Variants in ROBO1 observed in about 807,000 individuals in gnomAD.
The protein encoded by ROBO1 is roundabout guidance receptor 1, also known as roundabout homolog 1.
Under a neutral mutation model 195.9 loss-of-function variants are expected in ROBO1, and 149 were observed. The ratio of observed to expected loss-of-function variants is 0.76; its 90% CI spans 0.67 to 0.87. The LOEUF (loss-of-function observed/expected upper bound fraction) is 0.87. Ranked by LOEUF, ROBO1 falls within the 40% of genes least tolerant of loss-of-function variation. The pLI, the probability that ROBO1 is intolerant of heterozygous loss-of-function variation, is 0.00. For synonymous variants in ROBO1, 816 were observed against 733.2 expected (o/e 1.11, Z -1.82); for missense variants, 1,933 against 2,068.3 (o/e 0.93, Z 1.27).
chr3:79,168,541 C>G (rs1206554760), intron 2 of ROBO1, among the ~76,000 whole-genome samples: 1 of 152,120 alleles, frequency 6.6e-6, no homozygotes, highest in Non-Finnish European at 1.5e-5. Flanking sequence ...TGTTTCCAAA[C>G]TCTCCTAGTA....
At chr3:79,331,183 A>G (rs561169536) in intron 2 of ROBO1, among the ~76,000 whole-genome samples, 1 of 152,376 alleles carries the variant, frequency 6.6e-6, no homozygotes, top group South Asian at 2.1e-4. Flanking sequence ...ATGCTTCAGC[A>G]TAAATAAGTT....
chr3:79,519,502 G>A (rs951542382), intron 2 of ROBO1, among the ~76,000 whole-genome samples: 26 of 151,356 alleles, frequency 1.7e-4, no homozygotes, highest in African/African-American at 5.8e-4. Flanking sequence ...GGTGGCGGGC[G>A]CCTGTAGTCT....
intron 3 of ROBO1, among the ~76,000 whole-genome samples, chr3:79,109,741 G>T (rs974558329): frequency 3.3e-5 from 5 of 152,010 alleles, no homozygotes; most frequent in African/African-American, 1.2e-4. Context: ...CTACTGAGAC[G>T]TCAATCTTTA....
At chr3:79,322,448 C>A (rs2034022449) in intron 2 of ROBO1, among the ~76,000 whole-genome samples, 1 of 152,072 alleles carries the variant, frequency 6.6e-6, no homozygotes, top group African/African-American at 2.4e-5. Context: ...ATGAAAAGAT[C>A]TTGAAAAGAG....
intron 21 of ROBO1, among the ~76,000 whole-genome samples, chr3:78,641,413 G>C (rs114093312): frequency 5.3e-5 from 8 of 152,094 alleles, no homozygotes; most frequent in Non-Finnish European, 1.0e-4. Flanking sequence ...AGAAAATATC[G>C]GAAGTGTAAG....
intron 3 of ROBO1, among the ~76,000 whole-genome samples, chr3:79,004,983 A>G (rs1227220832): frequency 2.0e-5 from 3 of 152,220 alleles, no homozygotes; most frequent in Non-Finnish European, 4.4e-5. Flanking sequence ...TTCTCACTAC[A>G]TTCTTCTAAA....
chr3:79,537,113 A>ATT (rs34450722), intron 2 of ROBO1, among the ~76,000 whole-genome samples: 2,065 of 145,828 alleles, frequency 0.014, 40 homozygotes, highest in African/African-American at 0.041. Context: ...TCCTTTTTTT[A>ATT]TTTTTTTTTT....
chr3:79,212,543 T>C (rs980952234), intron 2 of ROBO1, among the ~76,000 whole-genome samples: 43 of 152,100 alleles, frequency 2.8e-4, no homozygotes, highest in African/African-American at 1.0e-3. Flanking sequence ...GATCCTAGGC[T>C]GGGCGTGGTG....
At chr3:78,671,079 T>C (rs1708037772) in intron 10 of ROBO1, among the ~76,000 whole-genome samples, 1 of 152,162 alleles carries the variant, frequency 6.6e-6, no homozygotes, top group South Asian at 2.1e-4. Context: ...ATAATAGTTA[T>C]AACATACTAC....
intron 2 of ROBO1, among the ~76,000 whole-genome samples, chr3:79,481,344 G>A (rs1938846689): frequency 1.3e-5 from 2 of 151,914 alleles, no homozygotes; most frequent in African/African-American, 4.8e-5. Context: ...GTGATTTCTT[G>A]CACCAGCTAA....
At chr3:79,764,362 G>C (rs1332456428) in intron 1 of ROBO1, among the ~76,000 whole-genome samples, 2 of 152,172 alleles carry the variant, frequency 1.3e-5, no homozygotes, top group Non-Finnish European at 2.9e-5. Flanking sequence ...ATGTGACCAG[G>C]TCATAATCTA....
chr3:78,697,468 T>TACCGGGACCAGCCAATTTTTATA (rs2081326265), intron 8 of ROBO1, among the ~76,000 whole-genome samples: 1 of 152,160 alleles, frequency 6.6e-6, no homozygotes, highest in Non-Finnish European at 1.5e-5. Context: ...GTCTAATAAG[T>TACCGGGACCAGCCAATTTTTATA]ACCGGGACCA....
intron 4 of ROBO1, among the ~76,000 whole-genome samples, chr3:78,926,906 T>C (rs924343946): frequency 4.6e-5 from 7 of 152,154 alleles, no homozygotes; most frequent in African/African-American, 1.7e-4. Flanking sequence ...TCTGGTTAAA[T>C]GTCCTAACTT....
chr3:78,911,762 A>G lies in ROBO1; in HGVS notation c.499+26839T>C, dbSNP rs184458738. Among the ~76,000 whole-genome samples the G allele has an allele frequency of 7.9e-5, 12 of 152,170 alleles. No individual in the cohort carries two copies. In the East Asian group the frequency reaches 2.3e-3, roughly 29 times the overall value. On this transcript the variant is annotated intron_variant, in intron 4 of 30. Coordinates refer to ENST00000464233, the MANE Select transcript of ROBO1 (RefSeq NM_002941.4). Reference sequence around the variant, plus strand: ...GTAATTGGAATCTAAAATGGCCTGTAAACTACACAGAACTACAGTTTTCAA... The same window carrying G: ...GTAATTGGAATCTAAAATGGCCTGTGAACTACACAGAACTACAGTTTTCAA...
chr3:79,430,504 G>T (rs2038634000), intron 2 of ROBO1, among the ~76,000 whole-genome samples: 1 of 152,036 alleles, frequency 6.6e-6, no homozygotes, highest in East Asian at 1.9e-4. Context: ...ATGAACGGTT[G>T]GGCCACCCTA....
chr3:79,551,972 T>C (rs1256070964), intron 2 of ROBO1, among the ~76,000 whole-genome samples: 14 of 92,822 alleles, frequency 1.5e-4, no homozygotes, highest in Non-Finnish European at 2.0e-4. Context: ...TTGATCTCTC[T>C]ACAGAGTTAA....
intron 3 of ROBO1, among the ~76,000 whole-genome samples, chr3:79,117,151 G>A (rs777261880): frequency 9.2e-5 from 14 of 151,870 alleles, no homozygotes; most frequent in Admixed American, 5.2e-4. Flanking sequence ...CGGATTGCCC[G>A]TAGCTCAGGA....
intron 10 of ROBO1, among the ~76,000 whole-genome samples, chr3:78,674,596 A>G (rs1708280994): frequency 6.6e-6 from 1 of 152,216 alleles, no homozygotes; most frequent in Admixed American, 6.5e-5. Flanking sequence ...GTGAAACAGG[A>G]CATTTAGTGT....
chr3:78,805,509 A>C (rs1301318011), intron 4 of ROBO1, among the ~76,000 whole-genome samples: 1 of 152,080 alleles, frequency 6.6e-6, no homozygotes, highest in Admixed American at 6.6e-5. Flanking sequence ...CTTTTGTTCT[A>C]ACTCTAGTTA....
Sources: allele counts gnomAD v4.1 joint callset (sites outside exome capture counted in the v4.1 genomes callset), GRCh38; gene constraint gnomAD v4.1.1; transcripts MANE v1.5; gene names NCBI Gene and HGNC (gene_info 2026-07-23, HGNC 2026-07-21).